PRX: variants seen among roughly 807,000 people sequenced by gnomAD.
PRX encodes the protein periaxin.
In PRX, 24 loss-of-function variants were observed where a neutral mutation model predicts 29.6. The observed-to-expected ratio is 0.81, with a 90% CI of 0.59 to 1.14. The LOEUF (loss-of-function observed/expected upper bound fraction) is 1.14, where lower values mean the gene tolerates loss of function less well. Among genes scored for constraint, PRX ranks in the 50% most tolerant of loss-of-function variants. The pLI, the probability that PRX is intolerant of heterozygous loss-of-function variation, is 0.00. For synonymous variants in PRX, 772 were observed against 831.7 expected (o/e 0.93, Z 1.24); for missense variants, 1,838 against 1,926.4 (o/e 0.95, Z 0.86).
At position 40,396,976 on chromosome 19, in the gene PRX, G is replaced by A; in HGVS notation, c.1376C>T (p.Ala459Val). The change falls in exon 7 of 7, where the codon GCC becomes GTC. Residue 459 changes from alanine (A) to valine (V), a missense_variant. By Grantham distance (64) the Ala-to-Val change is moderately conservative. Coordinates refer to ENST00000324001, the MANE Select transcript of PRX (RefSeq NM_181882.3). ...EVKLPKVPEA[A>V]LPEVRLPEVE... ...CTCTGGGAGTCGAACCTCTGGAAGGGCTGCCTCGGGCACTTTTGGAAGCTT... is the reference window on the plus strand; with the variant it reads ...CTCTGGGAGTCGAACCTCTGGAAGGACTGCCTCGGGCACTTTTGGAAGCTT... 6.2e-7 allele frequency: 1 copy of A among 1,614,126 alleles called. No individual in the cohort carries two copies. Among genetic ancestry groups the A allele is most frequent in the Admixed American group, 1.7e-5 (1 of 60,024 alleles).
rs1390288778 is a variant in PRX at position 40,396,947 on chromosome 19, C to G, written c.1405G>C (p.Glu469Gln). ...ALPEVRLPEV[E>Q]LPKVSEMKLP... ...TTCATCTCTGACACCTTGGGGAGCTCCACCTCTGGGAGTCGAACCTCTGGA... is the reference window on the plus strand; with the variant it reads ...TTCATCTCTGACACCTTGGGGAGCTGCACCTCTGGGAGTCGAACCTCTGGA... Residue 469 changes from glutamate to glutamine, a missense_variant, in exon 7 of 7, where the codon GAG (glutamate) becomes CAG (glutamine). Glu to Gln is a conservative substitution (Grantham distance 29). This residue lies in a region of PRX where 666 missense variants were observed against 665.0 expected (regional missense o/e 1.00). Transcript: ENST00000324001. 6.2e-7 allele frequency: 1 copy of G among 1,614,152 alleles called. No individual in the cohort carries two copies. Among genetic ancestry groups the G allele is most frequent in the Non-Finnish European group, 8.5e-7 (1 of 1,180,028 alleles).
In PRX at chr19:40,396,245, C is replaced by T. The variant is rs756173103; in HGVS notation, c.2107G>A (p.Asp703Asn). ...AGCTGCACCTCTGGGAGGTGCACAT[C>T]GGGCACGGCCATTTCAGGCACCTTG... ...LPKVPEMAVP[D>N]VHLPEVQLPK... The change falls in exon 7 of 7, where the codon GAT becomes AAT. Residue 703 changes from aspartate (D) to asparagine (N), a missense_variant. Transcript: ENST00000324001. 5.0e-6 allele frequency: 8 copies of T among 1,613,584 alleles called. No homozygotes were observed. Among genetic ancestry groups the T allele is most frequent in the African/African-American group, 1.3e-5 (1 of 74,838 alleles).
In PRX at chr19:40,398,121, T is replaced by G. The variant is rs936504276; in HGVS notation, c.382-151A>C. 1 of 1,440,272 alleles carries G rather than the reference T, an allele frequency of 6.9e-7. No individual in the cohort carries two copies. Among genetic ancestry groups the G allele is most frequent in the Non-Finnish European group, 9.1e-7 (1 of 1,100,362 alleles). The allele number at this position is 1,440,272 out of a possible 1,614,324, so 89.2% of individuals were successfully genotyped here. A position where few individuals can be genotyped will look rare whatever the true frequency, so the allele number is the denominator to read the frequency against. On this transcript the variant is annotated intron_variant, in intron 6 of 6. Transcript: ENST00000324001. The surrounding 1 kb of genome is among the most constrained non-coding windows in gnomAD (Gnocchi z 6.3). Reference sequence around the variant, plus strand: ...ATCATCCCCACTTCTTGCCTGTCATTTCACCATGAGTGCCCAGGAAAGCAG... The same window carrying G: ...ATCATCCCCACTTCTTGCCTGTCATGTCACCATGAGTGCCCAGGAAAGCAG...
Position 40,394,430 on chromosome 19 carries a change from G to GCCGTA in PRX, c.3917_3921dup (p.Leu1308TyrfsTer76). On this transcript the variant is annotated frameshift_variant, in exon 7 of 7. Transcript: ENST00000324001. LOFTEE classifies it high-confidence loss of function. The surrounding 1 kb of genome is among the most constrained non-coding windows in gnomAD (Gnocchi z 5.8). ...GCCCGCACCAGGCCAAACCGGGGCA[G>GCCGTA]CCGTACCTTGAGCTTGTGTCCGGCC... 6.2e-7 allele frequency: 1 copy of GCCGTA among 1,602,394 alleles called. No homozygotes were observed. The highest frequency in any genetic ancestry group is 8.5e-7 in the Non-Finnish European group (1 of 1,174,976).
Position 40,395,889 on chromosome 19 carries a change from GC to G in PRX, c.2462del (p.Gly821AlafsTer12). ...TCCCTGAGACCTCAGCACCCGCCTC[GC>G]CTGGCTTGCCACGTGATGGGGACTC... ...RAESPSRGKP[G>X]EAGAEVSGKL... is the part of the protein sequence containing the mutation. On this transcript the variant is annotated frameshift_variant, in exon 7 of 7. Coordinates refer to ENST00000324001, the MANE Select transcript of PRX (RefSeq NM_181882.3). LOFTEE classifies it low-confidence loss of function (END_TRUNC). 6.2e-7 allele frequency: 1 copy of G among 1,614,114 alleles called. No homozygotes were observed.
In PRX at chr19:40,398,561, G is replaced by A. The variant is rs752946132; in HGVS notation, c.381+59C>T. 3.7e-6 allele frequency: 6 copies of A among 1,603,230 alleles called. No individual in the cohort carries two copies. Among genetic ancestry groups the A allele is most frequent in the East Asian group, 4.5e-5 (2 of 44,660 alleles). On this transcript the variant is annotated intron_variant, in intron 6 of 6. Transcript: ENST00000324001. This position sits in a 1 kb window ranked among gnomAD's most constrained non-coding sequence, Gnocchi z 6.3. ...CACGATGGCGGGGAATGGGGCTCACGGCGCAGAGACCGGATCGCTGGGGCA... is the reference window on the plus strand; with the variant it reads ...CACGATGGCGGGGAATGGGGCTCACAGCGCAGAGACCGGATCGCTGGGGCA...
Position 40,398,841 on chromosome 19 carries a change from G to A in PRX, c.185-25C>T. On this transcript the variant is annotated intron_variant, in intron 5 of 6. Transcript: ENST00000324001. The surrounding 1 kb of genome is among the most constrained non-coding windows in gnomAD (Gnocchi z 6.3). ...CCTGCGGGCGAGGTGGAGGTGCGCA[G>A]CACGTGGGCATCTCCCGGCTCCGCC... The A allele has an allele frequency of 6.2e-7, 1 of 1,613,808 alleles. No individual in the cohort carries two copies.
At chr19:40,409,451 C>CTATTATTCTTCTTAT (rs1555802687) in intron 1 of PRX, among the ~76,000 whole-genome samples, 1 of 142,362 alleles carries the variant, frequency 7.0e-6, no homozygotes, top group Non-Finnish European at 1.5e-5. Flanking sequence ...TAAATACTTG[C>CTATTATTCTTCTTAT]TATTATTATT....
upstream of PRX, among the ~76,000 whole-genome samples, chr19:40,414,319 T>C (rs1421298936): frequency 6.6e-6 from 1 of 152,166 alleles, no homozygotes; most frequent in Non-Finnish European, 1.5e-5. Flanking sequence ...TGGCAAAGTT[T>C]CACCATGTTG....
chr19:40,398,548 G>A lies in PRX; in HGVS notation c.381+72C>T. The A allele has an allele frequency of 6.3e-7, 1 of 1,598,610 alleles. No individual in the cohort carries two copies. Among genetic ancestry groups the A allele is most frequent in the Non-Finnish European group, 8.5e-7 (1 of 1,172,882 alleles). ...GGCAAGGCTGGCCCACGATGGCGGG[G>A]AATGGGGCTCACGGCGCAGAGACCG... On this transcript the variant is annotated intron_variant, in intron 6 of 6. Transcript: ENST00000324001. The surrounding 1 kb of genome is among the most constrained non-coding windows in gnomAD (Gnocchi z 6.3).
At position 40,398,852 on chromosome 19, in the gene PRX, T is replaced by G. The variant is rs1568710824; in HGVS notation, c.185-36A>C. On this transcript the variant is annotated intron_variant, in intron 5 of 6. Transcript: ENST00000324001. This position sits in a 1 kb window ranked among gnomAD's most constrained non-coding sequence, Gnocchi z 6.3. ...GGTGGAGGTGCGCAGCACGTGGGCATCTCCCGGCTCCGCCCGGGCCTAGTT... is the reference window on the plus strand; with the variant it reads ...GGTGGAGGTGCGCAGCACGTGGGCAGCTCCCGGCTCCGCCCGGGCCTAGTT... 3 of 1,613,398 alleles carry G rather than the reference T, an allele frequency of 1.9e-6. No homozygotes were observed. Among genetic ancestry groups the G allele is most frequent in the South Asian group, 2.2e-5 (2 of 91,026 alleles).
At chr19:40,399,880 T>TTTCC (rs1491288355) in intron 5 of PRX, among the ~76,000 whole-genome samples, 2 of 70,546 alleles carry the variant, frequency 2.8e-5, no homozygotes. Flanking sequence ...TCTTTCTTTC[T>TTTCC]TTCTTTCTTT....
chr19:40,406,247 C>CAAA (rs112824640), intron 4 of PRX, among the ~76,000 whole-genome samples: 1 of 88,792 alleles, frequency 1.1e-5, no homozygotes, highest in Non-Finnish European at 2.4e-5. Context: ...GAATCCGTCT[C>CAAA]AAAAAAAAAA....
chr19:40,402,371 A>T (rs188434333), intron 5 of PRX, among the ~76,000 whole-genome samples: 2 of 151,702 alleles, frequency 1.3e-5, no homozygotes, highest in Admixed American at 1.3e-4. Context: ...ATAAATAAAT[A>T]AAATAAAATA....
chr19:40,404,114 G>C (rs1303388339), intron 4 of PRX, among the ~76,000 whole-genome samples: 1 of 152,136 alleles, frequency 6.6e-6, no homozygotes, highest in African/African-American at 2.4e-5. Flanking sequence ...AAAAGCGGCT[G>C]TTCAGCGGGC....
At position 40,397,042 on chromosome 19, in the gene PRX, G is replaced by A; in HGVS notation, c.1310C>T (p.Pro437Leu). ...IGVSGPEVKV[P>L]KGPEVKLPKA... The stretch of plus-strand genomic sequence containing the variant: ...GGGGAGCTTCACTTCAGGTCCCTTG[G>A]GCACCTTGACCTCGGGCCCTGACAC... Residue 437 changes from proline to leucine, a missense_variant, in exon 7 of 7, where the codon CCC becomes CTC. Pro to Leu is a moderately conservative substitution (Grantham distance 98). Coordinates refer to ENST00000324001, the MANE Select transcript of PRX (RefSeq NM_181882.3). The A allele has an allele frequency of 6.2e-7, 1 of 1,614,100 alleles. No individual in the cohort carries two copies. Among genetic ancestry groups the A allele is most frequent in the Non-Finnish European group, 8.5e-7 (1 of 1,180,038 alleles).
chr19:40,397,922 C>G lies in PRX; in HGVS notation c.430G>C (p.Ala144Pro), dbSNP rs1200179863. Reference protein sequence around the residue: ...PVKKKKMVPGALGVPADLAPV... With the variant: ...PVKKKKMVPGPLGVPADLAPV... ...GCCAGGTCAGCGGGGACCCCCAGAG[C>G]CCCAGGCACCATCTTCTTCTTCTTC... The change falls in exon 7 of 7, where the codon GCT (alanine) becomes CCT (proline). Residue 144 changes from alanine (A) to proline (P), a missense_variant. Physicochemically the swap from Ala to Pro is conservative, Grantham distance 27 (BLOSUM62 -1). Around this residue, in one of 3 missense-constraint regions of PRX, gnomAD observed 666 missense variants for 665.0 expected, o/e 1.00. Transcript: ENST00000324001. 1.2e-6 allele frequency: 2 copies of G among 1,612,680 alleles called. No individual in the cohort carries two copies. Among genetic ancestry groups the G allele is most frequent in the Non-Finnish European group, 1.7e-6 (2 of 1,179,562 alleles).
At position 40,394,482 on chromosome 19, in the gene PRX, C is replaced by G. The variant is rs1440180646; in HGVS notation, c.3870G>C (p.Glu1290Asp). 1.2e-6 allele frequency: 2 copies of G among 1,601,348 alleles called. No individual in the cohort carries two copies. The highest frequency in any genetic ancestry group is 1.7e-6 in the Non-Finnish European group (2 of 1,174,614). Residue 1290 changes from glutamate to aspartate, a missense_variant, in exon 7 of 7, where the codon GAG becomes GAC. Physicochemically the swap from Glu to Asp is conservative, Grantham distance 45. Around this residue, in one of 3 missense-constraint regions of PRX, gnomAD observed 1,143 missense variants for 1,193.0 expected, o/e 0.96. Transcript: ENST00000324001. This position sits in a 1 kb window ranked among gnomAD's most constrained non-coding sequence, Gnocchi z 5.8. ...CTCCCTCCCCCTCTGCCACCTGGTA[C>G]TCGGCATGGTTGCCCCCGGATGGCG... is the stretch of plus-strand genomic sequence containing the variant. ...ELSPSGGNHA[E>D]YQVAEGEGEA...
In PRX at chr19:40,403,746, G is replaced by C. The variant is rs758160472; in HGVS notation, c.144C>G (p.Arg48=). 2 of 1,575,390 alleles carry C rather than the reference G, an allele frequency of 1.3e-6. No individual in the cohort carries two copies. The highest frequency in any genetic ancestry group is 1.7e-6 in the Non-Finnish European group (2 of 1,162,124). The change falls in exon 5 of 7, where the codon CGC becomes CGG. Residue 48 remains arginine (R), a synonymous_variant. Coordinates refer to ENST00000324001, the MANE Select transcript of PRX (RefSeq NM_181882.3). ...GGCTCCTGGCGGCGGGTGAGTCCTC[G>C]CGCAGCTCCCGAACGAAGATTCCCT... ...GKEGIFVREL[R]EDSPAARSLS...
Sources: gnomAD v4.1 joint callset for allele counts (sites outside exome capture counted in the v4.1 genomes callset) on GRCh38, gnomAD v4.1.1 for gene constraint, gnomAD v4.1.1 regional missense constraint, Gnocchi (gnomAD v3.1) non-coding constraint, MANE v1.5 for transcripts, NCBI Gene and HGNC (gene_info 2026-07-23, HGNC 2026-07-21) for gene names.